The following MTHFD1L variants were observed in gnomAD, a reference collection of about 807,000 sequenced individuals.
MTHFD1L encodes the protein monofunctional C1-tetrahydrofolate synthase, mitochondrial.
MTHFD1L carries 81 observed loss-of-function variants against 119.5 expected under a neutral mutation model. The observed-to-expected ratio is 0.68, with a 90% CI of 0.57 to 0.82. The LOEUF is 0.82. Ranked by LOEUF, MTHFD1L falls within the 40% of genes least tolerant of loss-of-function variation. MTHFD1L has a pLI of 0.00. For synonymous variants in MTHFD1L, 430 were observed against 475.2 expected, an observed-to-expected ratio of 0.90 and a Z score of 1.24; for missense variants, 1,125 against 1,253.4, an observed-to-expected ratio of 0.90 and a Z score of 1.55.
At chr6:150,904,542 C>G (rs778855343) in intron 7 of MTHFD1L, among the ~76,000 whole-genome samples, 1 of 152,144 alleles carries the variant, frequency 6.6e-6, no homozygotes, top group Non-Finnish European at 1.5e-5. Context: ...TGGTGTAATA[C>G]TTACAACATC....
At chr6:150,960,606 G>A (rs913234780) in intron 18 of MTHFD1L, among the ~76,000 whole-genome samples, 191 bp downstream of exon 18, 15 of 152,174 alleles carry the variant, frequency 9.9e-5, no homozygotes, top group African/African-American at 2.7e-4. Flanking sequence ...CATATATGAC[G>A]TGCTTATGCC....
At chr6:150,896,102 CA>C (rs1435513851) in intron 7 of MTHFD1L, among the ~76,000 whole-genome samples, 1 of 152,080 alleles carries the variant, frequency 6.6e-6, no homozygotes, top group South Asian at 2.1e-4. Context: ...GTAGAGGTGG[CA>C]AAACAGCCTG....
rs1372844459 is a variant in MTHFD1L at position 150,945,052 on chromosome 6, C to T, written c.1549-415C>T. 7.9e-5 allele frequency among the ~76,000 whole-genome samples: 12 copies of T among 152,338 alleles called. No individual in the cohort carries two copies. The East Asian group carries it at 2.3e-3, about 29-fold the overall frequency. On this transcript the variant is annotated intron_variant, in intron 14 of 27. Transcript: ENST00000367321. ...TAGGTTAAGAGTTAAACCACACCCC[C>T]AAAGGGGACAGCCCACCAGAAGCTA...
rs565963550 is a variant in MTHFD1L at position 151,008,679 on chromosome 6, G to A, written c.2126-1140G>A. Among the ~76,000 whole-genome samples the A allele has an allele frequency of 9.2e-5, 14 of 152,276 alleles. 1 individual carries two copies. The South Asian group carries it at 2.9e-3, about 32-fold the overall frequency. On this transcript the variant is annotated intron_variant, in intron 20 of 27. Transcript: ENST00000367321. Reference sequence around the variant, plus strand: ...AACTGAGGGGGTGGGGACTAGAAACGAGTGTTTTCTGGTGTTTCTCTAATA... The same window carrying A: ...AACTGAGGGGGTGGGGACTAGAAACAAGTGTTTTCTGGTGTTTCTCTAATA...
intron 20 of MTHFD1L, among the ~76,000 whole-genome samples, chr6:150,979,362 G>T (rs1777099922): frequency 6.6e-6 from 1 of 152,090 alleles, no homozygotes. Context: ...GTCCTTTTTG[G>T]TCCTTTTTTT....
chr6:150,981,636 T>G lies in MTHFD1L; in HGVS notation c.2125+9578T>G, dbSNP rs568951965. ...AGAGTCTCTGTCCCAAGTACTCAAT[T>G]TAGAAAGCAGCCATAGGTAAAGCAT... On this transcript the variant is annotated intron_variant, in intron 20 of 27. Transcript: ENST00000367321. 7.2e-4 allele frequency among the ~76,000 whole-genome samples: 109 copies of G among 152,354 alleles called. 2 individuals are homozygous for G. Among genetic ancestry groups the G allele is most frequent in the Non-Finnish European group, 6.6e-4 (45 of 68,036 alleles).
intron 20 of MTHFD1L, among the ~76,000 whole-genome samples, chr6:150,988,659 T>A (rs1778644600): frequency 6.6e-6 from 1 of 151,996 alleles, no homozygotes; most frequent in African/African-American, 2.4e-5. Context: ...CAGGCTGGAG[T>A]GCAATGATGT....
chr6:150,883,064 G>A (rs1321481091), intron 5 of MTHFD1L, among the ~76,000 whole-genome samples, 178 bp downstream of exon 5: 2 of 149,678 alleles, frequency 1.3e-5, no homozygotes, highest in Non-Finnish European at 1.5e-5. Context: ...ATGGAGTCTC[G>A]CTCTGTTGCC....
chr6:150,891,304 C>T (rs1349674161), intron 7 of MTHFD1L, among the ~76,000 whole-genome samples: 2 of 151,714 alleles, frequency 1.3e-5, no homozygotes, highest in Non-Finnish European at 2.9e-5. Flanking sequence ...TTTTTTAAAA[C>T]ACTGTTCAGT....
At chr6:150,885,178 T>G (rs1782023281) in intron 5 of MTHFD1L, among the ~76,000 whole-genome samples, 1 of 149,672 alleles carries the variant, frequency 6.7e-6, no homozygotes, top group Non-Finnish European at 1.5e-5. Context: ...GCCTGCTTTC[T>G]CTTTAATTCA....
intron 19 of MTHFD1L, 93 bp downstream of exon 19, chr6:150,965,130 A>T: frequency 9.2e-7 from 1 of 1,086,906 alleles, no homozygotes. Flanking sequence ...GGCATAGAGC[A>T]TGCCTGGGGC....
intron 26 of MTHFD1L, among the ~76,000 whole-genome samples, chr6:151,050,868 A>G (rs889311147): frequency 5.9e-5 from 9 of 152,170 alleles, no homozygotes; most frequent in African/African-American, 2.2e-4. Flanking sequence ...GACACAGATG[A>G]ACACCAGATG....
chr6:150,877,578 C>G (rs1780653456), intron 2 of MTHFD1L, 56 bp from the exon 3 acceptor site: 1 of 1,567,666 alleles, frequency 6.4e-7, no homozygotes, highest in South Asian at 1.1e-5. Context: ...TCTGGATTAT[C>G]TTTTGTGCCT....
intron 7 of MTHFD1L, among the ~76,000 whole-genome samples, chr6:150,895,997 G>C (rs1333102110): frequency 6.6e-6 from 1 of 152,118 alleles, no homozygotes; most frequent in Non-Finnish European, 1.5e-5. Flanking sequence ...CACTTATTCT[G>C]TTAGGCAGGA....
At chr6:151,030,558 C>T (rs1185533534) in intron 24 of MTHFD1L, among the ~76,000 whole-genome samples, 1 of 152,240 alleles carries the variant, frequency 6.6e-6, no homozygotes, top group African/African-American at 2.4e-5. Flanking sequence ...GCATTAGTTT[C>T]AGTGCAGTGT....
chr6:150,914,362 G>A (rs1490851601), intron 8 of MTHFD1L, among the ~76,000 whole-genome samples: 1 of 152,106 alleles, frequency 6.6e-6, no homozygotes, highest in Admixed American at 6.6e-5. Flanking sequence ...TAATTAAAAG[G>A]ACCAAAAGTT....
chr6:150,924,193 G>A (rs1789526328), intron 10 of MTHFD1L, among the ~76,000 whole-genome samples: 1 of 152,176 alleles, frequency 6.6e-6, no homozygotes, highest in South Asian at 2.1e-4. Context: ...TCTGTGACTA[G>A]CTAGTAAAGA....
intron 26 of MTHFD1L, among the ~76,000 whole-genome samples, chr6:151,089,978 T>C (rs1794227829): frequency 6.6e-6 from 1 of 152,200 alleles, no homozygotes; most frequent in African/African-American, 2.4e-5. Context: ...CCGGAATGGA[T>C]TTTCCCATAG....
Position 151,015,541 on chromosome 6 carries a change from T to G in MTHFD1L, c.2434T>G (p.Leu812Val). 2.5e-6 allele frequency: 4 copies of G among 1,613,544 alleles called. No homozygotes were observed. The highest frequency in any genetic ancestry group is 3.4e-6 in the Non-Finnish European group (4 of 1,179,786). Residue 812 changes from leucine to valine, a missense_variant, in exon 24 of 28, where the codon TTG (leucine) becomes GTG (valine). By Grantham distance (32) the Leu-to-Val change is conservative. Transcript: ENST00000367321. ...GACCGACACCCGCGCTGAGATTGAC[T>G]TGGTGTGTGAGCTTGCAAAGCGGGC... Reference protein sequence around the residue: ...FKTDTRAEIDLVCELAKRAGA... With the variant: ...FKTDTRAEIDVVCELAKRAGA...
Sources: gnomAD v4.1 joint callset for allele counts (sites outside exome capture counted in the v4.1 genomes callset) on GRCh38, gnomAD v4.1.1 for gene constraint, MANE v1.5 for transcripts, NCBI Gene and HGNC (gene_info 2026-07-23, HGNC 2026-07-21) for gene names.